PXDNL: variants seen among roughly 807,000 people sequenced by gnomAD.
PXDNL encodes the protein peroxidasin like.
PXDNL carries 145 observed loss-of-function variants against 150.8 expected under a neutral mutation model. The observed-to-expected ratio is 0.96, with a 90% CI of 0.84 to 1.10. PXDNL has a LOEUF of 1.10. Ranked by LOEUF, PXDNL falls within the 50% of genes least tolerant of loss-of-function variation. The pLI, the probability that PXDNL is intolerant of heterozygous loss-of-function variation, is 0.00. For missense variants in PXDNL, 2,087 were observed against 1,873.9 expected (o/e 1.11, Z -2.10); for synonymous variants, 757 against 725.7 (o/e 1.04, Z -0.69).
intron 2 of PXDNL, among the ~76,000 whole-genome samples, chr8:51,606,144 G>A (rs748577395): frequency 1.3e-5 from 2 of 152,172 alleles, no homozygotes; most frequent in South Asian, 2.1e-4. Flanking sequence ...TTCAGCAAAC[G>A]AAGAAAATCT....
chr8:51,596,971 T>C (rs974261714), intron 2 of PXDNL, among the ~76,000 whole-genome samples: 6 of 152,144 alleles, frequency 3.9e-5, no homozygotes, highest in African/African-American at 1.4e-4. Flanking sequence ...TAGTCAAAAA[T>C]GTTCTCCCAA....
At chr8:51,574,971 G>T (rs889299559) in intron 3 of PXDNL, among the ~76,000 whole-genome samples, 13 of 151,968 alleles carry the variant, frequency 8.6e-5, no homozygotes, top group African/African-American at 2.7e-4. Context: ...CGAGAAGAAA[G>T]AATAATAGAG....
chr8:51,771,972 A>G (rs993812656), intron 1 of PXDNL, among the ~76,000 whole-genome samples: 3 of 152,032 alleles, frequency 2.0e-5, no homozygotes, highest in African/African-American at 7.2e-5. Context: ...GTATCCAGCC[A>G]GAAAAGAGAG....
At chr8:51,635,060 T>A (rs943662210) in intron 2 of PXDNL, among the ~76,000 whole-genome samples, 2 of 152,126 alleles carry the variant, frequency 1.3e-5, no homozygotes, top group Non-Finnish European at 2.9e-5. Context: ...CTTCTAGTTT[T>A]TAAGGGGAAT....
intron 2 of PXDNL, among the ~76,000 whole-genome samples, chr8:51,627,585 G>A (rs1814390958): frequency 6.6e-6 from 1 of 152,022 alleles, no homozygotes; most frequent in African/African-American, 2.4e-5. Flanking sequence ...AGCTCCAAGG[G>A]GTCCTCAGAG....
intron 4 of PXDNL, among the ~76,000 whole-genome samples, chr8:51,522,504 A>G (rs953139796): frequency 6.6e-6 from 1 of 152,232 alleles, no homozygotes; most frequent in Non-Finnish European, 1.5e-5. Context: ...TTCATTTTCC[A>G]TTGAAAATAT....
At chr8:51,352,631 T>A (rs770208161) in intron 19 of PXDNL, among the ~76,000 whole-genome samples, 1 of 152,106 alleles carries the variant, frequency 6.6e-6, no homozygotes, top group African/African-American at 2.4e-5. Context: ...CCTTCCAACA[T>A]GATAGTGAGT....
chr8:51,382,056 C>T (rs1011682503), intron 17 of PXDNL, among the ~76,000 whole-genome samples: 6 of 152,068 alleles, frequency 3.9e-5, no homozygotes, highest in African/African-American at 1.2e-4. Flanking sequence ...CCAGGATGGT[C>T]TCGATCTCCT....
intron 3 of PXDNL, among the ~76,000 whole-genome samples, chr8:51,590,091 C>T (rs915458703): frequency 6.6e-6 from 1 of 152,110 alleles, no homozygotes; most frequent in African/African-American, 2.4e-5. Flanking sequence ...CACATTGGGT[C>T]TCTGCTTCCT....
At chr8:51,499,843 T>C (rs1404316984) in intron 4 of PXDNL, 73 bp from the exon 5 acceptor site, 21 of 955,536 alleles carry the variant, frequency 2.2e-5, no homozygotes, top group Non-Finnish European at 3.6e-5. Flanking sequence ...GAATTAGCAA[T>C]TGCTTCAGCT....
At position 51,408,107 on chromosome 8, in the gene PXDNL, T is replaced by C. The variant is rs1808486034; in HGVS notation, c.3517A>G (p.Asn1173Asp). 6.2e-7 allele frequency: 1 copy of C among 1,606,362 alleles called. No homozygotes were observed. Among genetic ancestry groups the C allele is most frequent in the South Asian group, 1.1e-5 (1 of 89,072 alleles). ...CTAATCTCTGAATCTTTAATTTCATTTTGAAGATCCTCAAAGTTCTTAACT... is the reference window on the plus strand; with the variant it reads ...CTAATCTCTGAATCTTTAATTTCATCTTGAAGATCCTCAAAGTTCTTAACT... ...TSVKNFEDLQ[N>D]EIKDSEIRQK... Residue 1173 changes from asparagine (N) to aspartate (D), a missense_variant, in exon 17 of 23, where the codon AAT becomes GAT. Physicochemically the swap from Asn to Asp is conservative, Grantham distance 23 (BLOSUM62 1). Coordinates refer to ENST00000356297, the MANE Select transcript of PXDNL (RefSeq NM_144651.5).
chr8:51,687,132 A>G (rs1010641010), intron 1 of PXDNL, among the ~76,000 whole-genome samples: 2 of 152,216 alleles, frequency 1.3e-5, no homozygotes, highest in African/African-American at 2.4e-5. Context: ...AAAGAGTCTT[A>G]GGAAGTAGTA....
chr8:51,671,877 G>A (rs1460530724), intron 1 of PXDNL, among the ~76,000 whole-genome samples: 5 of 152,268 alleles, frequency 3.3e-5, no homozygotes, highest in African/African-American at 1.2e-4. Flanking sequence ...TTCAGAATTA[G>A]ACAAATTTGA....
chr8:51,702,033 AT>A (rs1563512089), intron 1 of PXDNL, among the ~76,000 whole-genome samples: 7 of 152,210 alleles, frequency 4.6e-5, no homozygotes, highest in African/African-American at 1.7e-4. Flanking sequence ...ACTTATTTAA[AT>A]ATGTTTACAA....
chr8:51,498,583 A>G (rs1234057048), intron 5 of PXDNL, among the ~76,000 whole-genome samples: 1 of 152,212 alleles, frequency 6.6e-6, no homozygotes, highest in Non-Finnish European at 1.5e-5. Flanking sequence ...GCCTTTATTG[A>G]AATACAACAT....
intron 4 of PXDNL, among the ~76,000 whole-genome samples, chr8:51,512,990 T>A (rs1056474387): frequency 6.6e-6 from 1 of 152,202 alleles, no homozygotes; most frequent in African/African-American, 2.4e-5. Context: ...AAGGAAGGCA[T>A]CCTGGAAGGG....
chr8:51,483,839 C>G lies in PXDNL; in HGVS notation c.453-125G>C. On this transcript the variant is annotated intron_variant, in intron 5 of 22. Coordinates refer to ENST00000356297, the MANE Select transcript of PXDNL (RefSeq NM_144651.5). ...AAATATTTCAGTGAGAAAGGGCAAA[C>G]AGAAGTCAGAGTGTCATTTATACAA... is the stretch of plus-strand genomic sequence containing the variant. 4 of 619,768 alleles carry G rather than the reference C, an allele frequency of 6.5e-6. No individual in the cohort carries two copies. The South Asian group carries it at 8.0e-5, about 12-fold the overall frequency. 38.4% of individuals were successfully genotyped at this position (619,768 alleles called of 1,614,324 possible).
chr8:51,723,441 C>T (rs916232221), intron 1 of PXDNL, among the ~76,000 whole-genome samples: 1 of 152,192 alleles, frequency 6.6e-6, no homozygotes, highest in Non-Finnish European at 1.5e-5. Context: ...GTAAAAGAGA[C>T]ACTAGACAGG....
chr8:51,395,742 A>T (rs1338000980), intron 17 of PXDNL, among the ~76,000 whole-genome samples: 2 of 152,230 alleles, frequency 1.3e-5, no homozygotes, highest in Non-Finnish European at 2.9e-5. Flanking sequence ...AACAGGAAAT[A>T]AATGGCTATG....
Sources: allele counts gnomAD v4.1 joint callset (sites outside exome capture counted in the v4.1 genomes callset), GRCh38; gene constraint gnomAD v4.1.1; transcripts MANE v1.5; gene names NCBI Gene and HGNC (gene_info 2026-07-23, HGNC 2026-07-21).